Variants in TYW1 observed in about 807,000 individuals in gnomAD.
TYW1 encodes the protein S-adenosyl-L-methionine-dependent tRNA 4-demethylwyosine synthase TYW1.
Under a neutral mutation model 96.2 loss-of-function variants are expected in TYW1, and 46 were observed. The observed-to-expected ratio is 0.48, with a 90% CI of 0.38 to 0.61. The LOEUF (loss-of-function observed/expected upper bound fraction) is 0.61, where lower values mean the gene tolerates loss of function less well. TYW1 is among the 20% of genes least tolerant of loss of function. The probability of loss-of-function intolerance (pLI) is 0.00; values close to 1 mark genes in which losing one functional copy is unlikely to be tolerated. For synonymous variants in TYW1, 274 were observed against 323.0 expected (o/e 0.85, Z 1.63); for missense variants, 684 against 909.6 (o/e 0.75, Z 3.19).
intron 13 of TYW1, among the ~76,000 whole-genome samples, chr7:67,134,783 T>C (rs1280666762): frequency 6.7e-6 from 1 of 149,984 alleles, no homozygotes; most frequent in Admixed American, 6.6e-5. Context: ...CCATGTGTTT[T>C]TTTTTTTTTT....
At chr7:67,065,500 G>A (rs1307230231) in intron 9 of TYW1, among the ~76,000 whole-genome samples, 2 of 152,092 alleles carry the variant, frequency 1.3e-5, no homozygotes, top group Non-Finnish European at 2.9e-5. Flanking sequence ...TGGACGTTTC[G>A]GTTTTCAGTG....
intron 10 of TYW1, among the ~76,000 whole-genome samples, chr7:67,068,167 G>A (rs1562994769): frequency 6.6e-6 from 1 of 151,892 alleles, no homozygotes; most frequent in South Asian, 2.1e-4. Context: ...GACTACAGGT[G>A]CGCACCACCA....
At chr7:67,028,112 A>G (rs1274393338) in intron 7 of TYW1, among the ~76,000 whole-genome samples, 4 of 148,532 alleles carry the variant, frequency 2.7e-5, no homozygotes, top group Admixed American at 1.4e-4. Flanking sequence ...AGTGGCGCAT[A>G]TCTGTAGTCC....
intron 13 of TYW1, among the ~76,000 whole-genome samples, chr7:67,147,986 T>C (rs1798660983): frequency 6.6e-6 from 1 of 151,838 alleles, no homozygotes; most frequent in East Asian, 1.9e-4. Context: ...AATCAGAGAT[T>C]ATTGATGCCT....
Position 67,238,423 on chromosome 7 carries a change from C to T in TYW1, c.2093C>T (p.Ala698Val). 1 of 1,613,850 alleles carries T rather than the reference C, an allele frequency of 6.2e-7. No homozygotes were observed. The highest frequency in any genetic ancestry group is 8.5e-7 in the Non-Finnish European group (1 of 1,179,848). The change falls in exon 16 of 16, where the codon GCC becomes GTC. Residue 698 changes from alanine to valine, a missense_variant. By Grantham distance (64) the Ala-to-Val change is moderately conservative. Coordinates refer to ENST00000359626, the MANE Select transcript of TYW1 (RefSeq NM_018264.4). ...SKTFSAKDYMARTPHWALFGA... is the reference protein window; with the variant it reads ...SKTFSAKDYMVRTPHWALFGA... ...ACGTTCAGCGCAAAGGATTATATGG[C>T]CAGAACTCCTCACTGGGCATTATTT...
At chr7:67,120,725 A>G (rs1797735816) in intron 13 of TYW1, among the ~76,000 whole-genome samples, 1 of 152,212 alleles carries the variant, frequency 6.6e-6, no homozygotes, top group Non-Finnish European at 1.5e-5. Context: ...ACATTAACAC[A>G]ATAGCTTAAT....
At chr7:67,159,907 T>C (rs1799107159) in intron 13 of TYW1, among the ~76,000 whole-genome samples, 1 of 151,484 alleles carries the variant, frequency 6.6e-6, no homozygotes, top group Admixed American at 6.6e-5. Context: ...TTCACGCCAT[T>C]CTCCTGCCTC....
At chr7:67,206,207 G>T (rs1402983943) in intron 15 of TYW1, among the ~76,000 whole-genome samples, 1 of 152,138 alleles carries the variant, frequency 6.6e-6, no homozygotes, top group Admixed American at 6.5e-5. Flanking sequence ...AGGTTGTATG[G>T]CTGCTCTTGC....
At chr7:67,045,844 C>T (rs537441105) in intron 7 of TYW1, among the ~76,000 whole-genome samples, 21 of 152,098 alleles carry the variant, frequency 1.4e-4, no homozygotes, top group African/African-American at 4.1e-4. Flanking sequence ...AAATCAAGGC[C>T]GTGGACAAGA....
intron 15 of TYW1, among the ~76,000 whole-genome samples, chr7:67,202,062 A>G (rs966357386): frequency 6.6e-6 from 1 of 152,236 alleles, no homozygotes; most frequent in African/African-American, 2.4e-5. Context: ...CCACGAAGAA[A>G]TAATACAGAA....
chr7:67,045,744 T>C (rs1795168776), intron 7 of TYW1, among the ~76,000 whole-genome samples: 1 of 152,074 alleles, frequency 6.6e-6, no homozygotes, highest in Non-Finnish European at 1.5e-5. Context: ...TCAAGGCAAG[T>C]GTGATGGGTA....
At chr7:67,169,737 A>T (rs1053949342) in intron 13 of TYW1, among the ~76,000 whole-genome samples, 3 of 152,144 alleles carry the variant, frequency 2.0e-5, no homozygotes, top group Non-Finnish European at 4.4e-5. Context: ...ATTCTCTTGG[A>T]TGGATATGTA....
intron 9 of TYW1, among the ~76,000 whole-genome samples, chr7:67,056,888 C>A (rs1795534717): frequency 6.6e-6 from 1 of 152,174 alleles, no homozygotes. Context: ...CTACTTTATA[C>A]TTGCTCAGCA....
chr7:67,107,915 C>T (rs1006414847), intron 12 of TYW1, among the ~76,000 whole-genome samples: 4 of 143,882 alleles, frequency 2.8e-5, no homozygotes, highest in Non-Finnish European at 6.0e-5. Flanking sequence ...CTCATTCTGT[C>T]TCCTATGCTG....
chr7:67,096,116 A>G, intron 11 of TYW1, among the ~76,000 whole-genome samples: 1 of 152,158 alleles, frequency 6.6e-6, no homozygotes, highest in South Asian at 2.1e-4. Flanking sequence ...ATGGCTGGGC[A>G]TGGTGGCTCA....
intron 7 of TYW1, among the ~76,000 whole-genome samples, chr7:67,028,161 C>T (rs1450397800): frequency 6.6e-6 from 1 of 151,546 alleles, no homozygotes; most frequent in Non-Finnish European, 1.5e-5. Flanking sequence ...ATCTTTTGAA[C>T]CCTGGCGGCA....
intron 14 of TYW1, among the ~76,000 whole-genome samples, chr7:67,194,805 G>T (rs1452180364): frequency 2.0e-5 from 3 of 147,664 alleles, no homozygotes; most frequent in Admixed American, 6.7e-5. Context: ...GTCCTAAGGG[G>T]TGATAACCCC....
intron 12 of TYW1, among the ~76,000 whole-genome samples, chr7:67,102,306 G>A (rs1797109092): frequency 6.6e-6 from 1 of 152,202 alleles, no homozygotes; most frequent in Admixed American, 6.5e-5. Context: ...ACATTTGGTA[G>A]ATGTTATCGA....
intron 13 of TYW1, among the ~76,000 whole-genome samples, chr7:67,149,426 C>T (rs1349082088): frequency 6.6e-6 from 1 of 152,106 alleles, no homozygotes; most frequent in African/African-American, 2.4e-5. Context: ...ATAAGAAACT[C>T]ATATACATGG....
Sources: gnomAD v4.1 joint callset for allele counts (sites outside exome capture counted in the v4.1 genomes callset) on GRCh38, gnomAD v4.1.1 for gene constraint, MANE v1.5 for transcripts, NCBI Gene and HGNC (gene_info 2026-07-23, HGNC 2026-07-21) for gene names.